CMIP: variants seen among roughly 807,000 people sequenced by gnomAD.
The protein encoded by CMIP is c-Maf inducing protein.
A neutral mutation model predicts 97.3 loss-of-function variants in CMIP; 13 were observed. The ratio of observed to expected loss-of-function variants is 0.13; its 90% CI spans 0.09 to 0.21. The LOEUF (loss-of-function observed/expected upper bound fraction) is 0.21, where lower values mean the gene tolerates loss of function less well. CMIP is among the 10% of genes least tolerant of loss of function. The pLI is 1.00. For synonymous variants in CMIP, 538 were observed against 436.3 expected (o/e 1.23, Z -2.91); for missense variants, 847 against 1,024.9 (o/e 0.83, Z 2.37).
At chr16:81,554,970 G>A (rs1215939547) in intron 1 of CMIP, among the ~76,000 whole-genome samples, 1 of 152,166 alleles carries the variant, frequency 6.6e-6, no homozygotes, top group Non-Finnish European at 1.5e-5. Flanking sequence ...CAGAAGGGGG[G>A]GTTTTTCCTT....
At chr16:81,561,360 G>C (rs1053360821) in intron 1 of CMIP, among the ~76,000 whole-genome samples, 1 of 152,216 alleles carries the variant, frequency 6.6e-6, no homozygotes, top group African/African-American at 2.4e-5. Context: ...CCTGGGTTCA[G>C]GGACAACATT....
intron 7 of CMIP, chr16:81,665,816 A>G (rs779267951): frequency 1.1e-4 from 17 of 151,620 alleles, no homozygotes; most frequent in Non-Finnish European, 1.8e-4. Context: ...AATCAATTAT[A>G]GCACTCTTTC....
intron 3 of CMIP, chr16:81,622,319 C>G (rs1324261480): frequency 6.6e-6 from 1 of 152,186 alleles, no homozygotes; most frequent in African/African-American, 2.4e-5. Context: ...GTGGTGCACA[C>G]CTGCTCGTGT....
chr16:81,708,204 T>C (rs1420478711), intron 20 of CMIP, among the ~76,000 whole-genome samples: 1 of 152,106 alleles, frequency 6.6e-6, no homozygotes, highest in Non-Finnish European at 1.5e-5. Flanking sequence ...AGAGGACGTA[T>C]GGGACACAGA....
rs116973106 is a variant in CMIP, at chr16:81,694,163, G to A, written c.1530+676G>A. Reference sequence around the variant, plus strand: ...TCTTCTATAGTATTCCCAGTGTTGCGCGGCTGGTCCACGACTGAGGCAAGA... The same window carrying A: ...TCTTCTATAGTATTCCCAGTGTTGCACGGCTGGTCCACGACTGAGGCAAGA... On this transcript the variant is annotated intron_variant, in intron 13 of 20. Transcript: ENST00000537098. 8.5e-3 allele frequency among the ~76,000 whole-genome samples: 1,293 copies of A among 152,230 alleles called. 9 individuals are homozygous for A. The highest frequency in any genetic ancestry group is 0.017 in the African/African-American group (691 of 41,548).
intron 1 of CMIP, among the ~76,000 whole-genome samples, chr16:81,595,137 G>A (rs992701822): frequency 6.6e-5 from 10 of 151,462 alleles, no homozygotes; most frequent in African/African-American, 1.9e-4. Flanking sequence ...CTCAGATTAG[G>A]GAGGACTGCT....
chr16:81,580,828 G>A (rs750652448), intron 1 of CMIP, among the ~76,000 whole-genome samples: 2 of 152,060 alleles, frequency 1.3e-5, no homozygotes, highest in Non-Finnish European at 2.9e-5. Context: ...TAGTTCAGCG[G>A]CCTTTAGCAA....
At chr16:81,651,390 C>T in intron 3 of CMIP, 1 of 978,404 alleles carries the variant, frequency 1.0e-6, no homozygotes, top group Middle Eastern at 5.3e-4. Context: ...GCCCCTGTCC[C>T]AACCGCTCTC....
chr16:81,664,644 C>T (rs1386106436), intron 7 of CMIP: 1 of 571,332 alleles, frequency 1.8e-6, no homozygotes, highest in African/African-American at 1.9e-5. Context: ...TCTGTAGATG[C>T]CCTGCCCTCA....
intron 1 of CMIP, among the ~76,000 whole-genome samples, chr16:81,548,835 G>C (rs28377284): frequency 0.22 from 34,048 of 152,148 alleles, 4,155 homozygotes; most frequent in East Asian, 0.47. Flanking sequence ...GACAGAGCAA[G>C]ATTCTGTCTC....
At chr16:81,649,310 C>T (rs969140959) in intron 3 of CMIP, among the ~76,000 whole-genome samples, 8 of 152,254 alleles carry the variant, frequency 5.3e-5, no homozygotes, top group African/African-American at 9.6e-5. Context: ...CCTCCCCGCT[C>T]CAAGGAGGGG....
chr16:81,683,624 A>G (rs1905089630), intron 10 of CMIP, among the ~76,000 whole-genome samples: 1 of 151,980 alleles, frequency 6.6e-6, no homozygotes, highest in South Asian at 2.1e-4. Flanking sequence ...TCCTGACCTC[A>G]AGTGATCTGC....
At chr16:81,668,203 C>T (rs2092631630) in intron 7 of CMIP, among the ~76,000 whole-genome samples, 1 of 152,164 alleles carries the variant, frequency 6.6e-6, no homozygotes, top group South Asian at 2.1e-4. Flanking sequence ...GGTCTGGAGA[C>T]TCCAGGCTCC....
chr16:81,570,015 G>C (rs1447633184), intron 1 of CMIP, among the ~76,000 whole-genome samples: 1 of 152,056 alleles, frequency 6.6e-6, no homozygotes, highest in East Asian at 1.9e-4. Flanking sequence ...GCATCTGTCT[G>C]TCAAAGCCAA....
At chr16:81,639,286 T>C (rs960501138) in intron 3 of CMIP, among the ~76,000 whole-genome samples, 4 of 152,242 alleles carry the variant, frequency 2.6e-5, no homozygotes, top group African/African-American at 9.6e-5. Context: ...GAAATATGCA[T>C]GAGGCATCAT....
chr16:81,688,828 GC>G (rs1286962402), intron 10 of CMIP, among the ~76,000 whole-genome samples: 2 of 151,998 alleles, frequency 1.3e-5, no homozygotes, highest in Non-Finnish European at 2.9e-5. Context: ...CCCACAACAG[GC>G]CCCGGTGTGT....
At chr16:81,547,664 G>C (rs879792809) in intron 1 of CMIP, among the ~76,000 whole-genome samples, 1 of 152,156 alleles carries the variant, frequency 6.6e-6, no homozygotes, top group Non-Finnish European at 1.5e-5. Context: ...GAAGCCTGCA[G>C]GGTCCAGATT....
intron 1 of CMIP, among the ~76,000 whole-genome samples, chr16:81,601,927 C>A (rs907483586): frequency 3.9e-4 from 60 of 152,226 alleles, no homozygotes; most frequent in African/African-American, 1.4e-3. Flanking sequence ...GGCCAGGGCT[C>A]TCCGGTTCCC....
chr16:81,445,519 A>T lies in CMIP; in HGVS notation c.278A>T (p.Asp93Val). Residue 93 changes from aspartate to valine, a missense_variant, in exon 1 of 21, where the codon GAC becomes GTC. Transcript: ENST00000537098. ...RWEPHHLTLA[D>V]NSLASATPTG... ...GAGCCGCACCACCTAACGCTGGCCG[A>T]CAACAGCCTGGCGTCCGCCACGGTG... 6.5e-7 allele frequency: 1 copy of T among 1,550,040 alleles called. No individual in the cohort carries two copies. Among genetic ancestry groups the T allele is most frequent in the Non-Finnish European group, 8.7e-7 (1 of 1,146,996 alleles).
Sources: allele counts gnomAD v4.1 joint callset (sites outside exome capture counted in the v4.1 genomes callset), GRCh38; gene constraint gnomAD v4.1.1; transcripts MANE v1.5; gene names NCBI Gene and HGNC (gene_info 2026-07-23, HGNC 2026-07-21).